Variants in MAGI3 observed in about 807,000 individuals in gnomAD.
MAGI3 encodes membrane-associated guanylate kinase, WW and PDZ domain-containing protein 3.
MAGI3 carries 43 observed loss-of-function variants against 121.8 expected under a neutral mutation model. The observed-to-expected ratio is 0.35, with a 90% CI of 0.28 to 0.46. The LOEUF is 0.46. MAGI3 is among the 20% of genes least tolerant of loss of function. The pLI is 1.00. For missense variants in MAGI3, 1,547 were observed against 1,797.3 expected (o/e 0.86, Z 2.52); for synonymous variants, 553 against 639.3 (o/e 0.86, Z 2.04).
chr1:113,643,143 T>C (rs1311288341), intron 10 of MAGI3, among the ~76,000 whole-genome samples: 1 of 152,230 alleles, frequency 6.6e-6, no homozygotes, highest in Admixed American at 6.5e-5. Flanking sequence ...CATTTACAAA[T>C]TCAGTTCCAA....
chr1:113,614,537 C>G (rs1399799152), intron 6 of MAGI3, 64 bp from the exon 7 acceptor site: 1 of 1,153,140 alleles, frequency 8.7e-7, no homozygotes, highest in African/African-American at 1.5e-5. Flanking sequence ...TAAATTCACT[C>G]ACTGGTGAAT....
intron 1 of MAGI3, among the ~76,000 whole-genome samples, chr1:113,412,632 A>G (rs1652062909): frequency 1.3e-5 from 2 of 152,142 alleles, no homozygotes; most frequent in African/African-American, 4.8e-5. Context: ...AGTGATGATG[A>G]GCATTTTTTC....
intron 12 of MAGI3, among the ~76,000 whole-genome samples, chr1:113,648,237 A>G (rs1351439376): frequency 1.3e-5 from 2 of 152,148 alleles, no homozygotes; most frequent in Non-Finnish European, 2.9e-5. Context: ...GTATATATCA[A>G]AAGATACTGC....
At chr1:113,650,881 T>G (rs1407380358) in intron 13 of MAGI3, 133 bp from the exon 14 acceptor site, 1 of 755,686 alleles carries the variant, frequency 1.3e-6, no homozygotes, top group East Asian at 2.7e-5. Context: ...AGATAATACC[T>G]TTCTAAAATA....
chr1:113,674,221 G>A (rs373948574), intron 19 of MAGI3, among the ~76,000 whole-genome samples: 208 of 152,074 alleles, frequency 1.4e-3, no homozygotes, highest in African/African-American at 3.3e-3. Context: ...GAGAAACCCC[G>A]TCTGTACTAA....
At chr1:113,448,181 G>GA (rs1248069799) in intron 1 of MAGI3, among the ~76,000 whole-genome samples, 1 of 152,324 alleles carries the variant, frequency 6.6e-6, no homozygotes, top group East Asian at 1.9e-4. Context: ...TATCTAGGCT[G>GA]AAAGTCATAT....
intron 1 of MAGI3, among the ~76,000 whole-genome samples, chr1:113,475,129 G>T (rs1655748094): frequency 6.6e-6 from 1 of 152,216 alleles, no homozygotes; most frequent in Non-Finnish European, 1.5e-5. Context: ...AGCTTAAGAA[G>T]ATTTTGGGTT....
At chr1:113,682,269 A>G (rs900713715) in intron 20 of MAGI3, 2 of 1,608,230 alleles carry the variant, frequency 1.2e-6, no homozygotes, top group African/African-American at 1.4e-5. Flanking sequence ...TAAGGCTTTC[A>G]GGGCTTTTCT....
Position 113,594,534 on chromosome 1 carries a change from A to G in MAGI3, c.992A>G (p.Lys331Arg), listed in dbSNP as rs1648879900. 3 of 1,613,282 alleles carry G rather than the reference A, an allele frequency of 1.9e-6. No homozygotes were observed. Among genetic ancestry groups the G allele is most frequent in the Admixed American group, 3.3e-5 (2 of 59,932 alleles). Residue 331 changes from lysine to arginine, a missense_variant, in exon 6 of 21, where the codon AAA becomes AGA. Lys to Arg is a conservative substitution (Grantham distance 26). Transcript: ENST00000307546. ...GATCCTCGTCTTTGTAAGAAAGCCA[A>G]AGCCCCTGAAGACTGTGAAGATGGA... ...WLDPRLCKKA[K>R]APEDCEDGEL...
chr1:113,605,355 T>A (rs1296502665), intron 6 of MAGI3, among the ~76,000 whole-genome samples: 2 of 151,816 alleles, frequency 1.3e-5, no homozygotes, highest in South Asian at 2.1e-4. Context: ...TATGGATGAG[T>A]CTCAGAAACA....
chr1:113,633,292 C>T (rs1157187672), intron 9 of MAGI3, among the ~76,000 whole-genome samples: 10 of 98,418 alleles, frequency 1.0e-4, no homozygotes, highest in African/African-American at 2.5e-4. Flanking sequence ...GACGGAGTCT[C>T]GCTCTGTCGC....
At chr1:113,648,160 A>G (rs1387921068) in intron 12 of MAGI3, among the ~76,000 whole-genome samples, 1 of 152,108 alleles carries the variant, frequency 6.6e-6, no homozygotes, top group Non-Finnish European at 1.5e-5. Flanking sequence ...TGACCTCGTG[A>G]TCCGCCCACC....
chr1:113,547,558 G>A (rs1417326837), intron 1 of MAGI3, among the ~76,000 whole-genome samples: 8 of 152,050 alleles, frequency 5.3e-5, no homozygotes, highest in East Asian at 1.9e-4. Flanking sequence ...AGCGATCTAC[G>A]AAAACTTTTG....
chr1:113,531,560 G>A (rs1658721472), intron 1 of MAGI3, among the ~76,000 whole-genome samples: 2 of 151,950 alleles, frequency 1.3e-5, no homozygotes, highest in Admixed American at 1.3e-4. Flanking sequence ...AAATCATATT[G>A]TTTTAATTAG....
rs151187452 is a variant in MAGI3 at position 113,493,341 on chromosome 1, G to A, written c.317-56174G>A. Reference sequence around the variant, plus strand: ...GCTAGATAACTGACTAGAGATATGCGGAAAATTGAAACTGGATGCCTTCCT... The same window carrying A: ...GCTAGATAACTGACTAGAGATATGCAGAAAATTGAAACTGGATGCCTTCCT... On this transcript the variant is annotated intron_variant, in intron 1 of 20. Transcript: ENST00000307546. Among the ~76,000 whole-genome samples, 14 of 152,204 alleles carry A rather than the reference G, an allele frequency of 9.2e-5. No individual in the cohort carries two copies. In the East Asian group the frequency reaches 9.6e-4, roughly 10 times the overall value.
chr1:113,538,809 A>G (rs981966783), intron 1 of MAGI3, among the ~76,000 whole-genome samples: 2 of 152,198 alleles, frequency 1.3e-5, no homozygotes, highest in African/African-American at 4.8e-5. Flanking sequence ...CAGTTAAAAG[A>G]GAAATGATTG....
intron 9 of MAGI3, among the ~76,000 whole-genome samples, chr1:113,641,015 GATATATAATATATATGAT>G (rs1307980789): frequency 4.0e-5 from 4 of 100,376 alleles, no homozygotes; most frequent in South Asian, 5.2e-4. Flanking sequence ...TAATATATAT[GATATATAATATATATGAT>G]ATATATAATA....
chr1:113,678,024 A>C (rs1213907963), intron 19 of MAGI3, among the ~76,000 whole-genome samples: 1 of 152,094 alleles, frequency 6.6e-6, no homozygotes, highest in Non-Finnish European at 1.5e-5. Flanking sequence ...ATCTTAAAGC[A>C]ATGGCTCCCC....
intron 1 of MAGI3, among the ~76,000 whole-genome samples, chr1:113,483,600 A>C (rs1367283784): frequency 3.3e-5 from 5 of 152,216 alleles, no homozygotes; most frequent in African/African-American, 1.2e-4. Flanking sequence ...GTATTCCGTT[A>C]TAGTAGCCCA....
Sources: gnomAD v4.1 joint callset for allele counts (sites outside exome capture counted in the v4.1 genomes callset) on GRCh38, gnomAD v4.1.1 for gene constraint, MANE v1.5 for transcripts, NCBI Gene and HGNC (gene_info 2026-07-23, HGNC 2026-07-21) for gene names.